TCF3: variants seen among roughly 807,000 people sequenced by gnomAD.
TCF3 encodes the protein transcription factor E2-alpha.
A neutral mutation model predicts 72.3 loss-of-function variants in TCF3; 54 were observed. The observed-to-expected ratio is 0.75, with a 90% CI of 0.60 to 0.94. TCF3 has a LOEUF of 0.94. Ranked by LOEUF, TCF3 falls within the 40% of genes least tolerant of loss-of-function variation. The pLI, the probability that TCF3 is intolerant of heterozygous loss-of-function variation, is 0.00. For missense variants in TCF3, 1,078 were observed against 934.4 expected (o/e 1.15, Z -2.00); for synonymous variants, 525 against 412.6 (o/e 1.27, Z -3.30).
At chr19:1,641,386 G>A (rs1335340369) in intron 3 of TCF3, among the ~76,000 whole-genome samples, 2 of 152,132 alleles carry the variant, frequency 1.3e-5, no homozygotes, top group East Asian at 1.9e-4. Flanking sequence ...GGAGGCTGAG[G>A]TAAGAGGATC....
At chr19:1,634,200 TAC>T (rs747454612) in intron 3 of TCF3, among the ~76,000 whole-genome samples, 10 of 152,346 alleles carry the variant, frequency 6.6e-5, no homozygotes, top group African/African-American at 2.4e-4. Flanking sequence ...CCCACATTAA[TAC>T]AGTTATTAAA....
intron 18 of TCF3, chr19:1,612,581 C>T: frequency 1.4e-6 from 1 of 726,604 alleles, no homozygotes; most frequent in Admixed American, 2.6e-5. Context: ...GTGGGCACAG[C>T]AGTGTGGGCA....
chr19:1,624,878 C>G (rs1053825163), intron 7 of TCF3, among the ~76,000 whole-genome samples: 1 of 152,296 alleles, frequency 6.6e-6, no homozygotes, highest in East Asian at 1.9e-4. Flanking sequence ...CAGGGTCTTG[C>G]GCTGTTGCTC....
Position 1,610,361 on chromosome 19 carries a change from G to A in TCF3, c.*1346C>T, listed in dbSNP as rs2060897566. The A allele has an allele frequency of 8.6e-6, 2 of 231,518 alleles. No individual in the cohort carries two copies. The highest frequency in any genetic ancestry group is 6.1e-5 in the East Asian group (1 of 16,364). The allele number at this position is 231,518 out of a possible 1,614,324, so 14.3% of individuals were successfully genotyped here. On this transcript the variant is annotated 3_prime_UTR_variant, in exon 19 of 19. Coordinates refer to ENST00000262965, the MANE Select transcript of TCF3 (RefSeq NM_003200.5). ...ATGCTCCCCAGCATTGGGGGAGGCT[G>A]GCCAGGCCCCTGGCATCCTGTCTAC...
Position 1,611,032 on chromosome 19 carries a change from CAG to C in TCF3, c.*673_*674del, listed in dbSNP as rs370923080. 2.0e-4 allele frequency: 46 copies of C among 225,838 alleles called. No individual in the cohort carries two copies. The highest frequency in any genetic ancestry group is 1.3e-3 in the Middle Eastern group (1 of 744). 14.0% of individuals were successfully genotyped at this position (225,838 alleles called of 1,614,324 possible). On this transcript the variant is annotated 3_prime_UTR_variant, in exon 19 of 19. Transcript: ENST00000262965. ...GCAATGCTCAGTCTAGGAACAGCAG[CAG>C]AAATAGCGAGAGACACGGGACTTTT...
In TCF3 at chr19:1,625,813, G is replaced by T. The variant is rs11878370; in HGVS notation, c.367-105C>A. On this transcript the variant is annotated intron_variant, in intron 6 of 18. Coordinates refer to ENST00000262965, the MANE Select transcript of TCF3 (RefSeq NM_003200.5). ...GGCCGAAGCCACTCAGACCCGCCCT[G>T]CAGTGGGTGATGCCCCTTCTGCCTG... 2,018 of 1,326,390 alleles carry T rather than the reference G, an allele frequency of 1.5e-3. 27 individuals carry two copies. In the African/African-American group the frequency reaches 0.028, roughly 19 times the overall value. The allele number at this position is 1,326,390 out of a possible 1,614,324, so 82.2% of individuals were successfully genotyped here.
At chr19:1,613,611 G>C (rs1025960238) in intron 18 of TCF3, among the ~76,000 whole-genome samples, 2 of 152,136 alleles carry the variant, frequency 1.3e-5, no homozygotes, top group African/African-American at 4.8e-5. Context: ...TGAAGACACG[G>C]GCTCAGCAGG....
chr19:1,639,642 C>G (rs1054026730), intron 3 of TCF3, among the ~76,000 whole-genome samples: 4 of 150,704 alleles, frequency 2.7e-5, no homozygotes, highest in African/African-American at 9.8e-5. Flanking sequence ...CAGTAGCTAC[C>G]GTTTAAGCCA....
intron 3 of TCF3, among the ~76,000 whole-genome samples, chr19:1,632,918 C>A (rs902123499): frequency 5.9e-5 from 9 of 152,230 alleles, no homozygotes; most frequent in African/African-American, 2.2e-4. Flanking sequence ...GGAAGTGGGG[C>A]CGCCCTTTGC....
chr19:1,627,249 G>A, intron 6 of TCF3, 110 bp downstream of exon 6: 1 of 487,754 alleles, frequency 2.1e-6, no homozygotes. Flanking sequence ...TTCGCTATCA[G>A]GAAGCAAACA....
chr19:1,619,053 T>C, intron 16 of TCF3, 58 bp downstream of exon 16: 1 of 1,597,018 alleles, frequency 6.3e-7, no homozygotes. Context: ...ACCACTAGAG[T>C]GCCTCAGTTT....
chr19:1,627,343 G>A lies in TCF3; in HGVS notation c.366+16C>T, dbSNP rs781445214. On this transcript the variant is annotated intron_variant, in intron 6 of 18. Transcript: ENST00000262965. ...TTAAAATCAAAATACACCCCAGCCC[G>A]GCCCGAGCCCCTCACCTGAGTCAGG... is the stretch of plus-strand genomic sequence containing the variant. 2.4e-5 allele frequency: 39 copies of A among 1,603,166 alleles called. No homozygotes were observed. The highest frequency in any genetic ancestry group is 4.5e-5 in the East Asian group (2 of 44,634).
At position 1,632,072 on chromosome 19, in the gene TCF3, G is replaced by T; in HGVS notation, c.264C>A (p.Leu88=). The change falls in exon 5 of 19, where the codon CTC becomes CTA. Residue 88 remains leucine, a synonymous_variant. Coordinates refer to ENST00000262965, the MANE Select transcript of TCF3 (RefSeq NM_003200.5). ...GTHFTESHSS[L]SSSTFLGPGL... Reference sequence around the variant, plus strand: ...CCGGTCCCAGGAATGTGGATGAAGAGAGGCTGCTGTGCGACTCAGTGAAGT... The same window carrying T: ...CCGGTCCCAGGAATGTGGATGAAGATAGGCTGCTGTGCGACTCAGTGAAGT... 6.2e-7 allele frequency: 1 copy of T among 1,613,538 alleles called. No individual in the cohort carries two copies. Among genetic ancestry groups the T allele is most frequent in the Non-Finnish European group, 8.5e-7 (1 of 1,179,876 alleles).
Position 1,642,292 on chromosome 19 carries a change from GCA to G in TCF3, c.145+4061_145+4062del, listed in dbSNP as rs138821052. 1.5e-4 allele frequency among the ~76,000 whole-genome samples: 22 copies of G among 150,718 alleles called. No homozygotes were observed. In the South Asian group the frequency reaches 1.7e-3, roughly 12 times the overall value. On this transcript the variant is annotated intron_variant, in intron 3 of 18. Transcript: ENST00000262965. ...CACGCACACGCACAGACGCGCACAC[GCA>G]CAGACACACACCCGCACGCACACAC... is the stretch of plus-strand genomic sequence containing the variant.
In TCF3 at chr19:1,643,539, T is replaced by C. The variant is rs146308909; in HGVS notation, c.145+2816A>G. On this transcript the variant is annotated intron_variant, in intron 3 of 18. Transcript: ENST00000262965. ...TCTGGCCCTTTTCTGTTTGTTTGAG[T>C]TGGGGTCTCTCAGTCACCCAGGCTG... Among the ~76,000 whole-genome samples the C allele has an allele frequency of 2.4e-3, 354 of 149,170 alleles. 3 individuals are homozygous for C. The highest frequency in any genetic ancestry group is 8.6e-3 in the African/African-American group (348 of 40,328).
At chr19:1,642,275 C>A (rs1222138691) in intron 3 of TCF3, among the ~76,000 whole-genome samples, 1 of 151,508 alleles carries the variant, frequency 6.6e-6, no homozygotes, top group Non-Finnish European at 1.5e-5. Flanking sequence ...CGCACGCACA[C>A]GCACAGACGC....
At chr19:1,634,752 A>T (rs1457348180) in intron 3 of TCF3, among the ~76,000 whole-genome samples, 3 of 152,252 alleles carry the variant, frequency 2.0e-5, no homozygotes, top group South Asian at 4.1e-4. Flanking sequence ...ATTGGTCTGC[A>T]GCAGGGATCT....
chr19:1,651,798 C>G (rs1437579637), intron 1 of TCF3, among the ~76,000 whole-genome samples: 1 of 151,498 alleles, frequency 6.6e-6, no homozygotes, highest in African/African-American at 2.4e-5. Flanking sequence ...GTTACCCGCG[C>G]GCCCCCCCCC....
chr19:1,621,982 G>T lies in TCF3; in HGVS notation c.823-12C>A, dbSNP rs1175726338. ...TGCAGCTGGTAGCCCTGGGGGGTCA[G>T]GCAGGAGGAGGGTGGGTTAGATGGG... is the stretch of plus-strand genomic sequence containing the variant. On this transcript the variant is annotated splice_polypyrimidine_tract_variant and intron_variant, in intron 10 of 18. Transcript: ENST00000262965. 6 of 1,603,058 alleles carry T rather than the reference G, an allele frequency of 3.7e-6. 1 individual carries two copies. The highest frequency in any genetic ancestry group is 2.2e-5 in the South Asian group (2 of 89,362).
Sources: gnomAD v4.1 joint callset for allele counts (sites outside exome capture counted in the v4.1 genomes callset) on GRCh38, gnomAD v4.1.1 for gene constraint, MANE v1.5 for transcripts, NCBI Gene and HGNC (gene_info 2026-07-23, HGNC 2026-07-21) for gene names.